UNKL: variants seen among roughly 807,000 people sequenced by gnomAD.
UNKL encodes unk like zinc finger.
UNKL carries 60 observed loss-of-function variants against 78.0 expected under a neutral mutation model. The ratio of observed to expected loss-of-function variants is 0.77; its 90% CI spans 0.63 to 0.95. The LOEUF (loss-of-function observed/expected upper bound fraction) is 0.95, where lower values mean the gene tolerates loss of function less well. Ranked by LOEUF, UNKL falls within the 40% of genes least tolerant of loss-of-function variation. The probability of loss-of-function intolerance (pLI) is 0.00; values close to 1 mark genes in which losing one functional copy is unlikely to be tolerated. For synonymous variants in UNKL, 608 were observed against 474.8 expected, an observed-to-expected ratio of 1.28 and a Z score of -3.65; for missense variants, 1,159 against 1,045.7, an observed-to-expected ratio of 1.11 and a Z score of -1.49.
chr16:1,405,033 C>T lies in UNKL; in HGVS notation c.288-1689G>A, dbSNP rs575085070. ...ACATGGTGAGTCCCCATCTCTACAACAAATTTAAAAATTAGCCCGGCGTGG... is the reference window on the plus strand; with the variant it reads ...ACATGGTGAGTCCCCATCTCTACAATAAATTTAAAAATTAGCCCGGCGTGG... On this transcript the variant is annotated intron_variant, in intron 2 of 14. Coordinates refer to ENST00000389221, the MANE Select transcript of UNKL (RefSeq NM_001372107.1). Among the ~76,000 whole-genome samples the T allele has an allele frequency of 3.7e-4, 56 of 152,062 alleles. 1 individual carries two copies. The highest frequency in any genetic ancestry group is 1.3e-3 in the African/African-American group (52 of 41,490).
intron 12 of UNKL, 73 bp downstream of exon 12, chr16:1,370,057 T>A (rs1452123463): frequency 6.5e-7 from 1 of 1,550,166 alleles, no homozygotes; most frequent in Non-Finnish European, 8.7e-7. Flanking sequence ...GGCCCCTCAG[T>A]CAGGACGGCA....
chr16:1,393,885 G>A (rs1742574955), intron 7 of UNKL, among the ~76,000 whole-genome samples: 2 of 152,202 alleles, frequency 1.3e-5, no homozygotes, highest in South Asian at 4.1e-4. Flanking sequence ...CCTGAAGACA[G>A]GGTCCCTGCA....
At chr16:1,398,678 T>TGCCGG in intron 5 of UNKL, 1 of 1,428,506 alleles carries the variant, frequency 7.0e-7, no homozygotes, top group Non-Finnish European at 9.2e-7. Context: ...CTGTGGGGTC[T>TGCCGG]GCACCCCCCC....
chr16:1,374,740 A>G (rs2036085474), intron 10 of UNKL, among the ~76,000 whole-genome samples: 1 of 152,262 alleles, frequency 6.6e-6, no homozygotes, highest in East Asian at 1.9e-4. Context: ...CTTGGTGGCC[A>G]TGTCAGGGTG....
chr16:1,384,114 G>A (rs953249100), intron 10 of UNKL, among the ~76,000 whole-genome samples: 7 of 152,072 alleles, frequency 4.6e-5, no homozygotes, highest in East Asian at 3.9e-4. Flanking sequence ...TCCCTTGGGC[G>A]CTGGTGGCCA....
At position 1,399,643 on chromosome 16, in the gene UNKL, C is replaced by T. The variant is rs1449278718; in HGVS notation, c.599-134G>A. 1.1e-5 allele frequency: 15 copies of T among 1,312,522 alleles called. No individual in the cohort carries two copies. The highest frequency in any genetic ancestry group is 2.6e-5 in the South Asian group (2 of 76,892). 81.3% of individuals were successfully genotyped at this position (1,312,522 alleles called of 1,614,324 possible). On this transcript the variant is annotated intron_variant, in intron 4 of 14. Transcript: ENST00000389221. The surrounding 1 kb of genome is among the most constrained non-coding windows in gnomAD (Gnocchi z 5.8). ...GGAGGACTTGGGGAGCGCAGACACACGCCACGGCACACGCTGATGTCAAAG... is the reference window on the plus strand; with the variant it reads ...GGAGGACTTGGGGAGCGCAGACACATGCCACGGCACACGCTGATGTCAAAG...
rs1395877040 is a variant in UNKL, at chr16:1,363,512, T to C, written c.*2728A>G. On this transcript the variant is annotated 3_prime_UTR_variant, in exon 15 of 15. Transcript: ENST00000389221. Reference sequence around the variant, plus strand: ...CGTGACACCACTGTATCACGGCGAATGTCGAACACTAGAGTTACAGACGAC... The same window carrying C: ...CGTGACACCACTGTATCACGGCGAACGTCGAACACTAGAGTTACAGACGAC... 7.3e-6 allele frequency: 2 copies of C among 272,718 alleles called. No homozygotes were observed. The highest frequency in any genetic ancestry group is 2.1e-4 in the East Asian group (2 of 9,622). 16.9% of individuals were successfully genotyped at this position (272,718 alleles called of 1,614,324 possible). A position where few individuals can be genotyped will look rare whatever the true frequency, so the allele number is the denominator to read the frequency against.
chr16:1,401,466 T>C lies in UNKL; in HGVS notation c.598+102A>G, dbSNP rs1054360714. 126 of 1,328,448 alleles carry C rather than the reference T, an allele frequency of 9.5e-5. No individual in the cohort carries two copies. In the African/African-American group the frequency reaches 1.5e-3, roughly 16 times the overall value. The allele number at this position is 1,328,448 out of a possible 1,614,324, so 82.3% of individuals were successfully genotyped here. ...GCCTCGGTTTCCCCATCTGATCACC[T>C]TGCACGTAAACTGAAAGGCACAGGG... On this transcript the variant is annotated intron_variant, in intron 4 of 14. Transcript: ENST00000389221.
intron 10 of UNKL, among the ~76,000 whole-genome samples, chr16:1,378,476 C>T (rs1051434236): frequency 2.0e-5 from 3 of 152,196 alleles, no homozygotes; most frequent in South Asian, 2.1e-4. Flanking sequence ...GGGACAGGAA[C>T]GGAGGCGCCT....
In UNKL at chr16:1,385,269, G is replaced by A. The variant is rs570521200; in HGVS notation, c.1203C>T (p.Pro401=). The change falls in exon 10 of 15, where the codon CCC becomes CCT. Residue 401 remains proline (P), a synonymous_variant. Coordinates refer to ENST00000389221, the MANE Select transcript of UNKL (RefSeq NM_001372107.1). ...GCGGGAGGGCACGGGCGGGGGGCGC[G>A]GGCAGCGCAGTGGGGGAGGAGCTGC... ...GSGSSSPTAL[P]APPARALPLG... 296 of 1,341,922 alleles carry A rather than the reference G, an allele frequency of 2.2e-4. 2 individuals carry two copies. The East Asian group carries it at 8.1e-3, about 37-fold the overall frequency. 83.1% of individuals were successfully genotyped at this position (1,341,922 alleles called of 1,614,324 possible).
chr16:1,410,498 T>C (rs971230707), intron 2 of UNKL, among the ~76,000 whole-genome samples: 3 of 151,960 alleles, frequency 2.0e-5, no homozygotes, highest in Non-Finnish European at 2.9e-5. Context: ...TCCCAGCTAC[T>C]TGGGAGGCTG....
chr16:1,410,936 T>A lies in UNKL; in HGVS notation c.287+2910A>T, dbSNP rs1026252006. On this transcript the variant is annotated intron_variant, in intron 2 of 14. Transcript: ENST00000389221. ...TTTCAAGTTTAGGCATCAACCTGCC[T>A]TAACAACACTATGGCCGGGTGTGGT... Among the ~76,000 whole-genome samples, 4 of 152,300 alleles carry A rather than the reference T, an allele frequency of 2.6e-5. No individual in the cohort carries two copies. The East Asian group carries it at 7.7e-4, about 29-fold the overall frequency.
intron 10 of UNKL, among the ~76,000 whole-genome samples, chr16:1,381,273 G>A (rs549072479): frequency 5.9e-5 from 9 of 152,268 alleles, no homozygotes; most frequent in African/African-American, 2.2e-4. Context: ...CTACTTTTAG[G>A]TTGGGGAAGA....
intron 12 of UNKL, chr16:1,369,916 G>A (rs750727219): frequency 3.4e-5 from 53 of 1,537,200 alleles, no homozygotes; most frequent in East Asian, 2.9e-4. Context: ...CGGAGGTTGC[G>A]GCGAGCCGAG....
intron 4 of UNKL, 46 bp downstream of exon 4, chr16:1,401,521 GT>G: frequency 6.8e-7 from 1 of 1,475,946 alleles, no homozygotes; most frequent in Non-Finnish European, 9.1e-7. Flanking sequence ...TTCTCGCGCT[GT>G]GCCCGCCCCC....
At chr16:1,410,135 G>GCA (rs2037969786) in intron 2 of UNKL, among the ~76,000 whole-genome samples, 1 of 151,956 alleles carries the variant, frequency 6.6e-6, no homozygotes, top group Admixed American at 6.6e-5. Context: ...GTGCAGGGCT[G>GCA]CACACCTGTA....
intron 11 of UNKL, 116 bp downstream of exon 11, chr16:1,371,403 G>C: frequency 1.0e-6 from 1 of 1,001,392 alleles, no homozygotes; most frequent in Middle Eastern, 2.9e-4. Flanking sequence ...GAGTGCAGTG[G>C]TGCAACCTCA....
intron 10 of UNKL, chr16:1,379,497 G>A (rs2036490333): frequency 3.0e-6 from 3 of 985,250 alleles, no homozygotes; most frequent in African/African-American, 1.7e-5. Flanking sequence ...CCACCCCGCG[G>A]CTGTCACACC....
intron 10 of UNKL, among the ~76,000 whole-genome samples, chr16:1,371,886 G>A (rs776649503): frequency 1.3e-5 from 2 of 152,156 alleles, no homozygotes; most frequent in South Asian, 2.1e-4. Flanking sequence ...CCTCTGACAC[G>A]CTGCTGCTGC....
Sources: allele counts gnomAD v4.1 joint callset (sites outside exome capture counted in the v4.1 genomes callset), GRCh38; gene constraint gnomAD v4.1.1; non-coding constraint Gnocchi (gnomAD v3.1); transcripts MANE v1.5; gene names NCBI Gene and HGNC (gene_info 2026-07-23, HGNC 2026-07-21).